Variants in CTNNA3 observed in about 807,000 individuals in gnomAD.
CTNNA3 encodes the protein catenin alpha 3.
CTNNA3 carries 76 observed loss-of-function variants against 95.7 expected under a neutral mutation model. That is an observed-to-expected ratio of 0.79 (90% CI 0.66 to 0.96). The LOEUF (loss-of-function observed/expected upper bound fraction) is 0.96, where lower values mean the gene tolerates loss of function less well. CTNNA3 is among the 40% of genes least tolerant of loss of function. The pLI, the probability that CTNNA3 is intolerant of heterozygous loss-of-function variation, is 0.00. For missense variants in CTNNA3, 1,191 were observed against 1,089.8 expected (o/e 1.09, Z -1.31); for synonymous variants, 431 against 374.4 (o/e 1.15, Z -1.74).
rs541058095 is a variant in CTNNA3, at chr10:66,038,923, G to A, written c.2159+30385C>T. On this transcript the variant is annotated intron_variant, in intron 15 of 17. Coordinates refer to ENST00000433211, the MANE Select transcript of CTNNA3 (RefSeq NM_013266.4). Reference sequence around the variant, plus strand: ...TATCAGGCAAGAGAAAGAAATAAAGGGCATCCGAATAGAAAGAGAGGAAGT... The same window carrying A: ...TATCAGGCAAGAGAAAGAAATAAAGAGCATCCGAATAGAAAGAGAGGAAGT... Among the ~76,000 whole-genome samples the A allele has an allele frequency of 7.6e-4, 116 of 152,160 alleles. 1 individual carries two copies. The highest frequency in any genetic ancestry group is 2.6e-3 in the African/African-American group (109 of 41,512).
intron 13 of CTNNA3, among the ~76,000 whole-genome samples, chr10:66,262,180 C>T (rs754145296): frequency 7.2e-5 from 11 of 151,944 alleles, no homozygotes; most frequent in Non-Finnish European, 1.2e-4. Context: ...ATATAGGTAA[C>T]TCACTTCACT....
intron 17 of CTNNA3, among the ~76,000 whole-genome samples, chr10:65,927,978 T>C (rs111402154): frequency 6.6e-6 from 1 of 152,156 alleles, no homozygotes; most frequent in East Asian, 1.9e-4. Context: ...ATTTTGATTC[T>C]TTTTACATTT....
chr10:66,651,367 G>A (rs367852977), intron 9 of CTNNA3, among the ~76,000 whole-genome samples: 1 of 152,176 alleles, frequency 6.6e-6, no homozygotes, highest in African/African-American at 2.4e-5. Flanking sequence ...AGTTCTCCAA[G>A]TCCCCACCTG....
chr10:66,308,968 T>C (rs1010573654), intron 12 of CTNNA3, among the ~76,000 whole-genome samples: 1 of 152,196 alleles, frequency 6.6e-6, no homozygotes, highest in Admixed American at 6.5e-5. Context: ...AAAAGTTAAC[T>C]CAAATTGCTT....
intron 13 of CTNNA3, among the ~76,000 whole-genome samples, chr10:66,199,765 C>CCATATATATATA (rs1410081168): frequency 3.3e-5 from 1 of 30,716 alleles, no homozygotes; most frequent in Non-Finnish European, 5.4e-5. Context: ...CCACGCCTGG[C>CCATATATATATA]TATATATATA....
chr10:67,138,022 A>G (rs1860379211), intron 7 of CTNNA3, among the ~76,000 whole-genome samples: 1 of 152,110 alleles, frequency 6.6e-6, no homozygotes, highest in Non-Finnish European at 1.5e-5. Flanking sequence ...TCCTCCAGGC[A>G]TGGACATTTG....
At chr10:66,089,680 T>A (rs2081137412) in intron 14 of CTNNA3, among the ~76,000 whole-genome samples, 1 of 151,762 alleles carries the variant, frequency 6.6e-6, no homozygotes, top group African/African-American at 2.4e-5. Flanking sequence ...CAAGGTCCTT[T>A]ATATGCATTA....
chr10:65,926,875 T>C (rs1242688739), intron 17 of CTNNA3, among the ~76,000 whole-genome samples: 1 of 152,186 alleles, frequency 6.6e-6, no homozygotes, highest in Non-Finnish European at 1.5e-5. Context: ...TCTCATTAAT[T>C]ACTAATGAAG....
At position 66,067,391 on chromosome 10, in the gene CTNNA3, A is replaced by C. The variant is rs199549887; in HGVS notation, c.2159+1917T>G. Among the ~76,000 whole-genome samples, 30 of 152,260 alleles carry C rather than the reference A, an allele frequency of 2.0e-4. No individual in the cohort carries two copies. The East Asian group carries it at 5.6e-3, about 28-fold the overall frequency. On this transcript the variant is annotated intron_variant, in intron 15 of 17. Coordinates refer to ENST00000433211, the MANE Select transcript of CTNNA3 (RefSeq NM_013266.4). ...ACAGGCCTTGCTGGGTACCCCACTC[A>C]GTCTATTAACATAAGATCATACCTT...
intron 7 of CTNNA3, among the ~76,000 whole-genome samples, chr10:66,873,207 C>T (rs1189088922): frequency 6.6e-6 from 1 of 152,108 alleles, no homozygotes; most frequent in Non-Finnish European, 1.5e-5. Context: ...TATATATACC[C>T]AGTCATGAAA....
At chr10:67,705,101 T>C (rs1394800114) in intron 1 of CTNNA3, among the ~76,000 whole-genome samples, 1 of 152,100 alleles carries the variant, frequency 6.6e-6, no homozygotes, top group African/African-American at 2.4e-5. Context: ...CCAGTTAGAA[T>C]GGTGATCATT....
At chr10:67,388,948 G>A (rs1261242947) in intron 5 of CTNNA3, among the ~76,000 whole-genome samples, 1 of 151,078 alleles carries the variant, frequency 6.6e-6, no homozygotes, top group African/African-American at 2.4e-5. Context: ...ACCAGCCGCT[G>A]CAAAATCATG....
chr10:66,794,588 G>A (rs933136360), intron 7 of CTNNA3, among the ~76,000 whole-genome samples: 4 of 152,136 alleles, frequency 2.6e-5, no homozygotes, highest in Non-Finnish European at 5.9e-5. Flanking sequence ...CCTCAATGTT[G>A]ATGGCTGCTG....
chr10:67,564,188 G>A (rs2133268768), intron 3 of CTNNA3, among the ~76,000 whole-genome samples: 1 of 149,786 alleles, frequency 6.7e-6, no homozygotes, highest in East Asian at 1.9e-4. Flanking sequence ...AAAGACACAT[G>A]CACACGTATG....
At chr10:66,200,005 C>A (rs1353945045) in intron 13 of CTNNA3, among the ~76,000 whole-genome samples, 3 of 149,788 alleles carry the variant, frequency 2.0e-5, no homozygotes, top group East Asian at 3.9e-4. Flanking sequence ...CAGGAAGTAG[C>A]GTTCAGATAA....
chr10:66,171,305 T>C (rs537645903), intron 13 of CTNNA3, among the ~76,000 whole-genome samples: 1 of 151,800 alleles, frequency 6.6e-6, no homozygotes, highest in African/African-American at 2.4e-5. Context: ...CTGGGCACAG[T>C]GGCTCACACC....
intron 7 of CTNNA3, among the ~76,000 whole-genome samples, chr10:67,169,644 G>C (rs867514968): frequency 5.3e-5 from 8 of 152,124 alleles, no homozygotes; most frequent in Non-Finnish European, 8.8e-5. Flanking sequence ...ATGAATTAAA[G>C]ACTTAAATGT....
chr10:66,460,164 T>G (rs1421558043), intron 11 of CTNNA3, among the ~76,000 whole-genome samples: 2 of 152,194 alleles, frequency 1.3e-5, no homozygotes, highest in African/African-American at 4.8e-5. Context: ...TATACTGTTT[T>G]AATCATGATG....
chr10:67,289,876 T>A (rs1394976410), intron 5 of CTNNA3, among the ~76,000 whole-genome samples: 1 of 151,952 alleles, frequency 6.6e-6, no homozygotes, highest in Non-Finnish European at 1.5e-5. Flanking sequence ...AGTGGCTCAC[T>A]GAAGCCTCAA....
Sources: allele counts gnomAD v4.1 joint callset (sites outside exome capture counted in the v4.1 genomes callset), GRCh38; gene constraint gnomAD v4.1.1; transcripts MANE v1.5; gene names NCBI Gene and HGNC (gene_info 2026-07-23, HGNC 2026-07-21).